Variants in YJEFN3 observed in about 807,000 individuals in gnomAD.
YJEFN3 encodes the protein yjeF N-terminal domain-containing protein 3.
Under a neutral mutation model 31.5 loss-of-function variants are expected in YJEFN3, and 29 were observed. The ratio of observed to expected loss-of-function variants is 0.92; its 90% CI spans 0.69 to 1.26. The LOEUF (loss-of-function observed/expected upper bound fraction) is 1.26, where lower values mean the gene tolerates loss of function less well. YJEFN3 is among the 50% of genes most tolerant of loss of function. The probability of loss-of-function intolerance (pLI) is 0.00; values close to 1 mark genes in which losing one functional copy is unlikely to be tolerated. For missense variants in YJEFN3, 442 were observed against 425.4 expected (o/e 1.04, Z -0.34); for synonymous variants, 227 against 196.1 (o/e 1.16, Z -1.32).
rs558283922 is a variant in YJEFN3, at chr19:19,529,631, G to A, written c.209+118G>A. 18 of 1,382,106 alleles carry A rather than the reference G, an allele frequency of 1.3e-5. 1 individual carries two copies. Among genetic ancestry groups the A allele is most frequent in the African/African-American group, 2.9e-5 (2 of 69,288 alleles). 85.6% of individuals were successfully genotyped at this position (1,382,106 alleles called of 1,614,324 possible). ...GTTGACCTCACTGTGAACCAGATGC[G>A]TCCAACAGCTCCTGCCCACTGCCCA... On this transcript the variant is annotated intron_variant, in intron 2 of 6. Coordinates refer to ENST00000514277, the MANE Select transcript of YJEFN3 (RefSeq NM_198537.4).
intron 2 of YJEFN3, 95 bp downstream of exon 2, chr19:19,529,608 T>C: frequency 6.6e-7 from 1 of 1,520,230 alleles, no homozygotes; most frequent in Non-Finnish European, 8.9e-7. Flanking sequence ...GCAAGGCTGT[T>C]GACCTCACTG....
Position 19,535,048 on chromosome 19 carries a change from C to G in YJEFN3, c.333C>G (p.Pro111=). The G allele has an allele frequency of 1.9e-6, 3 of 1,602,058 alleles. No homozygotes were observed. Among genetic ancestry groups the G allele is most frequent in the Non-Finnish European group, 2.6e-6 (3 of 1,174,034 alleles). The change falls in exon 4 of 7, where the codon CCC becomes CCG. Residue 111 remains proline (P), a synonymous_variant. Coordinates refer to ENST00000514277, the MANE Select transcript of YJEFN3 (RefSeq NM_198537.4). ...CCTACCACCAGGCGTTCCCGTTGCC[C>G]GCTCTCTCCCGGAAGCAGAGGACGG... ...AVAVTKAFPL[P]ALSRKQRTVL...
Position 19,529,004 on chromosome 19 carries a change from G to C in YJEFN3, c.59+13G>C. ...GGCATTTCCTCAGGTCAGCTGGGGAGAGGGAAGCTGGAGACGGGCATGGTT... is the reference window on the plus strand; with the variant it reads ...GGCATTTCCTCAGGTCAGCTGGGGACAGGGAAGCTGGAGACGGGCATGGTT... On this transcript the variant is annotated intron_variant, in intron 1 of 6. Transcript: ENST00000514277. The C allele has an allele frequency of 6.4e-7, 1 of 1,550,700 alleles. No individual in the cohort carries two copies. Among genetic ancestry groups the C allele is most frequent in the East Asian group, 2.4e-5 (1 of 40,906 alleles).
intron 4 of YJEFN3, 83 bp downstream of exon 4, chr19:19,535,227 G>A: frequency 6.6e-7 from 1 of 1,509,226 alleles, no homozygotes; most frequent in East Asian, 2.3e-5. Flanking sequence ...TTCCCAGGGG[G>A]ACATTGACGC....
At position 19,534,054 on chromosome 19, in the gene YJEFN3, G is replaced by C. The variant is rs754457669; in HGVS notation, c.319-980G>C. Reference sequence around the variant, plus strand: ...GGCTCAAGAGACACCCAGAGTGCCTGTCAGGCGGTGGCACTGTCATCGCAT... The same window carrying C: ...GGCTCAAGAGACACCCAGAGTGCCTCTCAGGCGGTGGCACTGTCATCGCAT... On this transcript the variant is annotated intron_variant, in intron 3 of 6. Transcript: ENST00000514277. The surrounding 1 kb of genome is among the most constrained non-coding windows in gnomAD (Gnocchi z 4.6). 7.1e-6 allele frequency: 7 copies of C among 985,598 alleles called. No homozygotes were observed. Among genetic ancestry groups the C allele is most frequent in the Non-Finnish European group, 8.4e-6 (7 of 830,020 alleles). 61.1% of individuals were successfully genotyped at this position (985,598 alleles called of 1,614,324 possible).
Position 19,532,710 on chromosome 19 carries a change from C to A in YJEFN3, c.288C>A (p.Cys96Ter), listed in dbSNP as rs865847258. The change falls in exon 3 of 7, where the codon TGC becomes TGA. Residue 96 changes from cysteine (C) to a stop codon, truncating the protein, a stop_gained. Coordinates refer to ENST00000514277, the MANE Select transcript of YJEFN3 (RefSeq NM_198537.4). LOFTEE classifies it high-confidence loss of function. Reference protein sequence around the residue: ...RFGRQQLVELCGHASAVAVTK... With the variant: ...RFGRQQLVEL ...GGCGGCAGCAGCTCGTGGAGCTGTG[C>A]GGTCATGCTAGTGCCGTGGCTGTGA... is the stretch of plus-strand genomic sequence containing the variant. 2 of 1,574,226 alleles carry A rather than the reference C, an allele frequency of 1.3e-6. No individual in the cohort carries two copies. Among genetic ancestry groups the A allele is most frequent in the Non-Finnish European group, 1.7e-6 (2 of 1,166,006 alleles).
rs2061196048 is a variant in YJEFN3, at chr19:19,535,219, C to T, written c.429+75C>T. 3 of 1,514,188 alleles carry T rather than the reference C, an allele frequency of 2.0e-6. No individual in the cohort carries two copies. In the South Asian group the frequency reaches 3.6e-5, roughly 18 times the overall value. The allele number at this position is 1,514,188 out of a possible 1,614,324, so 93.8% of individuals were successfully genotyped here. On this transcript the variant is annotated intron_variant, in intron 4 of 6. Transcript: ENST00000514277. ...AATCACTGCCTTCTTTTGATAGCTT[C>T]CCAGGGGGACATTGACGCAGGGCCA...
In YJEFN3 at chr19:19,537,458, C is replaced by T. The variant is rs1048809596; in HGVS notation, c.834C>T (p.Asp278=). 6 of 1,587,268 alleles carry T rather than the reference C, an allele frequency of 3.8e-6. No individual in the cohort carries two copies. Among genetic ancestry groups the T allele is most frequent in the South Asian group, 2.2e-5 (2 of 89,122 alleles). Residue 278 remains aspartate (D), a synonymous_variant, in exon 7 of 7, where the codon GAC becomes GAT. Transcript: ENST00000514277. The part of the protein sequence containing the change: ...HFVAGRFVPD[D]VRRKFALRLP... ...TGGCCGGCAGGTTCGTGCCCGATGA[C>T]GTGCGCCGCAAGTTCGCTCTGCGCC...
chr19:19,536,060 C>T lies in YJEFN3; in HGVS notation c.694+381C>T, dbSNP rs1239993305. 11 of 513,904 alleles carry T rather than the reference C, an allele frequency of 2.1e-5. No individual in the cohort carries two copies. In the East Asian group the frequency reaches 3.4e-4, roughly 16 times the overall value. 31.8% of individuals were successfully genotyped at this position (513,904 alleles called of 1,614,324 possible). ...ACAGCCGCTGGCCAGCCGGACCCTCCGTGGGGGTGGCTGGACTCCGGGGGA... is the reference window on the plus strand; with the variant it reads ...ACAGCCGCTGGCCAGCCGGACCCTCTGTGGGGGTGGCTGGACTCCGGGGGA... On this transcript the variant is annotated intron_variant, in intron 6 of 6. Coordinates refer to ENST00000514277, the MANE Select transcript of YJEFN3 (RefSeq NM_198537.4).
chr19:19,529,088 G>A, intron 1 of YJEFN3, 97 bp downstream of exon 1: 1 of 1,507,264 alleles, frequency 6.6e-7, no homozygotes, highest in South Asian at 1.3e-5. Context: ...GGGACAGAAT[G>A]GGGTCCGGGG....
chr19:19,533,966 G>T (rs2061182636), intron 3 of YJEFN3: 1 of 985,476 alleles, frequency 1.0e-6, no homozygotes, highest in Non-Finnish European at 1.2e-6. Flanking sequence ...TAAGCCTTTG[G>T]GGAGGATACT....
Position 19,534,909 on chromosome 19 carries a change from C to G in YJEFN3, c.319-125C>G. On this transcript the variant is annotated intron_variant, in intron 3 of 6. Transcript: ENST00000514277. The surrounding 1 kb of genome is among the most constrained non-coding windows in gnomAD (Gnocchi z 4.6). ...CCCCTCATCCAGAACAGCTCACCTCCTGTCCTATCCTGTTGCCTCCAGGCC... is the reference window on the plus strand; with the variant it reads ...CCCCTCATCCAGAACAGCTCACCTCGTGTCCTATCCTGTTGCCTCCAGGCC... The G allele has an allele frequency of 1.4e-6, 1 of 717,200 alleles. No individual in the cohort carries two copies. The highest frequency in any genetic ancestry group is 2.8e-5 in the South Asian group (1 of 35,854). 44.4% of individuals were successfully genotyped at this position (717,200 alleles called of 1,614,324 possible).
At chr19:19,533,636 T>TC in intron 3 of YJEFN3, 3 of 972,460 alleles carry the variant, frequency 3.1e-6, no homozygotes, top group Non-Finnish European at 3.7e-6. Flanking sequence ...CTCTCCCTCC[T>TC]CACCCCTCCT....
At chr19:19,536,866 A>T (rs1176669214) in intron 6 of YJEFN3, among the ~76,000 whole-genome samples, 3 of 152,052 alleles carry the variant, frequency 2.0e-5, no homozygotes. Context: ...GCTACTCGGG[A>T]GGCTGAGACA....
intron 2 of YJEFN3, among the ~76,000 whole-genome samples, chr19:19,530,907 A>G (rs996118377): frequency 6.6e-6 from 1 of 152,074 alleles, no homozygotes; most frequent in Non-Finnish European, 1.5e-5. Context: ...CCTCTTCACC[A>G]TGTTCCTCAG....
In YJEFN3 at chr19:19,535,408, C is replaced by A; in HGVS notation, c.501C>A (p.Cys167Ter). ...DLLHRDLTTQCEKMDIPFLSY... is the reference protein window; with the variant it reads ...DLLHRDLTTQ ...TGCATCGGGACCTGACCACCCAGTG[C>A]GAGAAGATGGACATCCCCTTCCTGA... The change falls in exon 5 of 7, where the codon TGC becomes TGA. Residue 167 changes from cysteine (C) to a stop codon, truncating the protein, a stop_gained. Coordinates refer to ENST00000514277, the MANE Select transcript of YJEFN3 (RefSeq NM_198537.4). LOFTEE classifies it high-confidence loss of function. 6 of 1,614,020 alleles carry A rather than the reference C, an allele frequency of 3.7e-6. No individual in the cohort carries two copies. The highest frequency in any genetic ancestry group is 5.1e-6 in the Non-Finnish European group (6 of 1,180,000).
rs537455316 is a variant in YJEFN3, at chr19:19,531,883, C to T, written c.210-749C>T. ...CCTCCTGAGTAGCTCGTACTGCAGG[C>T]ACCCACCACCATGCCTGGCTAATTT... is the stretch of plus-strand genomic sequence containing the variant. On this transcript the variant is annotated intron_variant, in intron 2 of 6. Coordinates refer to ENST00000514277, the MANE Select transcript of YJEFN3 (RefSeq NM_198537.4). Among the ~76,000 whole-genome samples, 11 of 151,914 alleles carry T rather than the reference C, an allele frequency of 7.2e-5. No homozygotes were observed. In the South Asian group the frequency reaches 2.3e-3, roughly 32 times the overall value.
rs1464205360 is a variant in YJEFN3, at chr19:19,534,699, T to C, written c.319-335T>C. On this transcript the variant is annotated intron_variant, in intron 3 of 6. Coordinates refer to ENST00000514277, the MANE Select transcript of YJEFN3 (RefSeq NM_198537.4). This position sits in a 1 kb window ranked among gnomAD's most constrained non-coding sequence, Gnocchi z 4.6. ...CAGGAGGGGCTGAGGTCTGGAAACA[T>C]GGGCGGGGGTGGGCCCGCGGTGAGA... is the stretch of plus-strand genomic sequence containing the variant. 5.3e-6 allele frequency: 1 copy of C among 188,772 alleles called. No individual in the cohort carries two copies. The highest frequency in any genetic ancestry group is 1.1e-5 in the Non-Finnish European group (1 of 95,012). The allele number at this position is 188,772 out of a possible 1,614,324, so 11.7% of individuals were successfully genotyped here.
At chr19:19,533,857 T>C (rs1338588581) in intron 3 of YJEFN3, 1 of 985,336 alleles carries the variant, frequency 1.0e-6, no homozygotes, top group Admixed American at 6.2e-5. Flanking sequence ...GAAAGCCCCT[T>C]GTCTGTCCAG....
Sources: gnomAD v4.1 joint callset for allele counts (sites outside exome capture counted in the v4.1 genomes callset) on GRCh38, gnomAD v4.1.1 for gene constraint, Gnocchi (gnomAD v3.1) non-coding constraint, MANE v1.5 for transcripts, NCBI Gene and HGNC (gene_info 2026-07-23, HGNC 2026-07-21) for gene names.